NCALD: variants seen among roughly 807,000 people sequenced by gnomAD.
NCALD encodes the protein neurocalcin-delta.
In NCALD, 10 loss-of-function variants were observed where a neutral mutation model predicts 18.6. The ratio of observed to expected loss-of-function variants is 0.54; its 90% CI spans 0.33 to 0.91. The LOEUF (loss-of-function observed/expected upper bound fraction) is 0.91. Among genes scored for constraint, NCALD ranks in the 40% least tolerant of loss-of-function variants. NCALD has a pLI of 0.03. For missense variants in NCALD, 184 were observed against 247.6 expected (o/e 0.74, Z 1.72); for synonymous variants, 88 against 87.4 (o/e 1.01, Z -0.04).
rs1320557629 is a variant in NCALD at position 102,037,941 on chromosome 8, T to C, written c.-209-17652A>G. Among the ~76,000 whole-genome samples, 19 of 152,212 alleles carry C rather than the reference T, an allele frequency of 1.2e-4. 1 individual carries two copies. Among genetic ancestry groups the C allele is most frequent in the Non-Finnish European group, 2.8e-4 (19 of 68,026 alleles). On this transcript the variant is annotated intron_variant, in intron 1 of 6. Transcript: ENST00000311028. ...TTACATCAATAAAAGATTTTTATTA[T>C]TTCAATACCAGAGGTTTCAAAAAGC...
intron 4 of NCALD, among the ~76,000 whole-genome samples, chr8:101,825,933 T>C (rs1813919513): frequency 2.0e-5 from 3 of 152,228 alleles, no homozygotes; most frequent in Non-Finnish European, 2.9e-5. Context: ...CCACAGGCCA[T>C]AGTTTTCTCA....
intron 2 of NCALD, among the ~76,000 whole-genome samples, chr8:102,002,954 C>G (rs1277348491): frequency 6.6e-6 from 1 of 152,012 alleles, no homozygotes. Flanking sequence ...ACCCTAACAT[C>G]ACAATTAAAA....
rs538713036 is a variant in NCALD at position 101,880,356 on chromosome 8, G to C, written c.-20+6785C>G. On this transcript the variant is annotated intron_variant, in intron 4 of 6. Coordinates refer to the NCALD transcript ENST00000311028. The stretch of plus-strand genomic sequence containing the variant: ...ACTCATGCTGGCCCACGATCGCCAG[G>C]TGCAGCAGCCCCGGTTCCCACTGGC... Among the ~76,000 whole-genome samples the C allele has an allele frequency of 1.4e-4, 21 of 152,254 alleles. No individual in the cohort carries two copies. In the South Asian group the frequency reaches 4.4e-3, roughly 32 times the overall value.
At chr8:101,789,376 T>C (rs1169530147) in intron 1 of NCALD, among the ~76,000 whole-genome samples, 2 of 152,030 alleles carry the variant, frequency 1.3e-5, no homozygotes, top group African/African-American at 2.4e-5. Flanking sequence ...TTTTGGAAAA[T>C]CCTCCACGGA....
At chr8:102,062,554 A>G (rs1823882361) in intron 1 of NCALD, among the ~76,000 whole-genome samples, 1 of 152,214 alleles carries the variant, frequency 6.6e-6, no homozygotes. Context: ...CTCATCAATC[A>G]GCCAGTTATT....
At chr8:101,904,861 G>A (rs1014462525) in intron 3 of NCALD, among the ~76,000 whole-genome samples, 2 of 152,072 alleles carry the variant, frequency 1.3e-5, no homozygotes, top group Non-Finnish European at 2.9e-5. Context: ...TTCTGTGGTA[G>A]TGCAACATCC....
At chr8:101,761,677 C>G (rs1811114503) in intron 1 of NCALD, among the ~76,000 whole-genome samples, 1 of 152,160 alleles carries the variant, frequency 6.6e-6, no homozygotes, top group South Asian at 2.1e-4. Context: ...TAATCAGGGA[C>G]TTATTTGTTT....
chr8:102,090,099 A>T (rs1824875169), intron 1 of NCALD, among the ~76,000 whole-genome samples: 1 of 152,236 alleles, frequency 6.6e-6, no homozygotes, highest in South Asian at 2.1e-4. Context: ...ATTTGGTACA[A>T]AAAGCATATG....
At chr8:101,806,463 G>T (rs976804332) in intron 4 of NCALD, among the ~76,000 whole-genome samples, 1 of 152,026 alleles carries the variant, frequency 6.6e-6, no homozygotes, top group Non-Finnish European at 1.5e-5. Flanking sequence ...AGTAAAAGAG[G>T]CTACAATGAC....
chr8:101,725,868 C>T (rs771229214), intron 1 of NCALD, among the ~76,000 whole-genome samples: 7 of 152,056 alleles, frequency 4.6e-5, no homozygotes, highest in African/African-American at 9.7e-5. Context: ...TAGATGAAGA[C>T]GTGCCATGGA....
chr8:102,094,627 T>G (rs888117578), intron 1 of NCALD, among the ~76,000 whole-genome samples: 3 of 152,238 alleles, frequency 2.0e-5, no homozygotes, highest in African/African-American at 7.2e-5. Context: ...GACATTCTTA[T>G]GGGCTGAATT....
chr8:102,093,431 G>A (rs1440185027), intron 1 of NCALD, among the ~76,000 whole-genome samples: 1 of 152,206 alleles, frequency 6.6e-6, no homozygotes, highest in East Asian at 1.9e-4. Flanking sequence ...GAGTAGCAAA[G>A]TGCCTAGCTA....
At chr8:101,856,973 C>T (rs1274797198) in intron 4 of NCALD, among the ~76,000 whole-genome samples, 2 of 152,086 alleles carry the variant, frequency 1.3e-5, no homozygotes, top group Admixed American at 6.5e-5. Context: ...AGTGTAAATA[C>T]ACTCACAGCA....
chr8:101,704,197 A>G lies in NCALD; in HGVS notation c.379-11301T>C, dbSNP rs768156455. Among the ~76,000 whole-genome samples, 3 of 152,252 alleles carry G rather than the reference A, an allele frequency of 2.0e-5. No homozygotes were observed. In the East Asian group the frequency reaches 5.8e-4, roughly 29 times the overall value. On this transcript the variant is annotated intron_variant, in intron 2 of 3. Coordinates refer to ENST00000220931, the MANE Select transcript of NCALD (RefSeq NM_032041.3). ...AAAGTTTAAGAACATTTATAGAGCT[A>G]TAAAAATATCCAGCACTCAACATGG...
rs2129859046 is a variant in NCALD at position 101,686,795 on chromosome 8, T to C, written c.*2514A>G. The C allele has an allele frequency of 6.5e-6, 1 of 152,706 alleles. No individual in the cohort carries two copies. The highest frequency in any genetic ancestry group is 2.4e-5 in the African/African-American group (1 of 41,492). The allele number at this position is 152,706 out of a possible 1,614,324, so 9.5% of individuals were successfully genotyped here. On this transcript the variant is annotated 3_prime_UTR_variant, in exon 4 of 4. Transcript: ENST00000220931. ...TTGAACATCACAGGCTGGTTTTATTTGGGACAGAACAGGTTTTATTTCCAA... is the reference window on the plus strand; with the variant it reads ...TTGAACATCACAGGCTGGTTTTATTCGGGACAGAACAGGTTTTATTTCCAA...
chr8:101,987,263 A>C (rs1408451661), intron 2 of NCALD, among the ~76,000 whole-genome samples: 3 of 152,204 alleles, frequency 2.0e-5, no homozygotes, highest in Non-Finnish European at 4.4e-5. Context: ...GACTAGCAGC[A>C]GTGTTTCAAA....
rs1586909158 is a variant in NCALD, at chr8:102,004,710, C to G, written c.-157+15527G>C. Reference sequence around the variant, plus strand: ...CAGACCAATGGAACAGAACAGAGCCCTCAGAAATAATGCCACATATCTACA... The same window carrying G: ...CAGACCAATGGAACAGAACAGAGCCGTCAGAAATAATGCCACATATCTACA... On this transcript the variant is annotated intron_variant, in intron 2 of 6. Transcript: ENST00000311028. Among the ~76,000 whole-genome samples, 3 of 152,114 alleles carry G rather than the reference C, an allele frequency of 2.0e-5. No individual in the cohort carries two copies. The East Asian group carries it at 5.8e-4, about 29-fold the overall frequency.
At chr8:102,006,009 C>A (rs1821695076) in intron 2 of NCALD, among the ~76,000 whole-genome samples, 1 of 151,226 alleles carries the variant, frequency 6.6e-6, no homozygotes, top group Non-Finnish European at 1.5e-5. Context: ...TGCACATGTA[C>A]CCTAAAACTT....
intron 1 of NCALD, among the ~76,000 whole-genome samples, chr8:101,747,289 A>T (rs1450983499): frequency 6.6e-6 from 1 of 152,184 alleles, no homozygotes; most frequent in East Asian, 1.9e-4. Flanking sequence ...GGGGAAGGCT[A>T]ATGAATCAGG....
Sources: allele counts gnomAD v4.1 joint callset (sites outside exome capture counted in the v4.1 genomes callset), GRCh38; gene constraint gnomAD v4.1.1; transcripts MANE v1.5; gene names NCBI Gene and HGNC (gene_info 2026-07-23, HGNC 2026-07-21).